The following NRXN1 variants were observed in gnomAD, a reference collection of about 807,000 sequenced individuals.
NRXN1 encodes the protein neurexin 1, also known as neurexin-1.
Under a neutral mutation model 150.9 loss-of-function variants are expected in NRXN1, and 39 were observed. That is an observed-to-expected ratio of 0.26 (90% CI 0.20 to 0.34). The LOEUF is 0.34. Among genes scored for constraint, NRXN1 ranks in the 10% least tolerant of loss-of-function variants. The pLI, the probability that NRXN1 is intolerant of heterozygous loss-of-function variation, is 1.00. For synonymous variants in NRXN1, 924 were observed against 757.0 expected (o/e 1.22, Z -3.62); for missense variants, 1,815 against 1,949.9 (o/e 0.93, Z 1.30).
intron 17 of NRXN1, among the ~76,000 whole-genome samples, chr2:50,457,234 T>C (rs753309711): frequency 6.6e-4 from 100 of 152,102 alleles, no homozygotes; most frequent in Non-Finnish European, 6.9e-4. Context: ...GGGAAAAGCA[T>C]AAGGTTTAAA....
rs538576163 is a variant in NRXN1, at chr2:50,673,787, G to A, written c.833-50172C>T. 1.5e-3 allele frequency among the ~76,000 whole-genome samples: 225 copies of A among 152,116 alleles called. 1 individual carries two copies. The highest frequency in any genetic ancestry group is 2.8e-3 in the Non-Finnish European group (187 of 67,960). ...TATCAGGGTCTATTTTACTTAGTAG[G>A]AAAACAATGACATGTAAGACATAGA... is the stretch of plus-strand genomic sequence containing the variant. On this transcript the variant is annotated intron_variant, in intron 5 of 22. Coordinates refer to ENST00000401669, the MANE Select transcript of NRXN1 (RefSeq NM_001330078.2).
chr2:50,899,643 T>C (rs539381803), intron 5 of NRXN1, among the ~76,000 whole-genome samples: 2 of 152,286 alleles, frequency 1.3e-5, no homozygotes, highest in Non-Finnish European at 2.9e-5. Context: ...TTTGTTTTTT[T>C]CTAATATTTT....
chr2:50,886,019 A>G (rs1680189101), intron 5 of NRXN1, among the ~76,000 whole-genome samples: 1 of 151,416 alleles, frequency 6.6e-6, no homozygotes, highest in African/African-American at 2.4e-5. Context: ...TTTGGTTTGA[A>G]TGAGCTTTTG....
chr2:50,773,034 T>C lies in NRXN1; in HGVS notation c.832+148835A>G, dbSNP rs1559240474. On this transcript the variant is annotated intron_variant, in intron 5 of 22. Transcript: ENST00000401669. The stretch of plus-strand genomic sequence containing the variant: ...GTGCTTGGTTCTTGCTAAAATGTTA[T>C]TAATGAAAGGAACTATTAGATCCCA... Among the ~76,000 whole-genome samples, 4 of 152,304 alleles carry C rather than the reference T, an allele frequency of 2.6e-5. No homozygotes were observed. In the South Asian group the frequency reaches 8.3e-4, roughly 32 times the overall value.
intron 17 of NRXN1, among the ~76,000 whole-genome samples, chr2:50,375,396 T>C (rs950032969): frequency 6.6e-6 from 1 of 150,504 alleles, no homozygotes; most frequent in African/African-American, 2.5e-5. Context: ...TTTTCACAAT[T>C]GTATAGATGA....
At chr2:50,906,583 T>C (rs943685274) in intron 5 of NRXN1, among the ~76,000 whole-genome samples, 1 of 152,150 alleles carries the variant, frequency 6.6e-6, no homozygotes, top group Non-Finnish European at 1.5e-5. Context: ...ATCTGTTCTC[T>C]TGCCAGAATA....
intron 19 of NRXN1, among the ~76,000 whole-genome samples, chr2:50,079,313 C>G (rs973766219): frequency 6.6e-6 from 1 of 152,042 alleles, no homozygotes; most frequent in African/African-American, 2.4e-5. Flanking sequence ...GTGTCCACTA[C>G]TATCTATCTA....
At position 50,838,532 on chromosome 2, in the gene NRXN1, T is replaced by C. The variant is rs552502871; in HGVS notation, c.832+83337A>G. Among the ~76,000 whole-genome samples, 29 of 152,134 alleles carry C rather than the reference T, an allele frequency of 1.9e-4. No individual in the cohort carries two copies. The South Asian group carries it at 5.8e-3, about 30-fold the overall frequency. On this transcript the variant is annotated intron_variant, in intron 5 of 22. Coordinates refer to ENST00000401669, the MANE Select transcript of NRXN1 (RefSeq NM_001330078.2). ...TTCAGAATGTGACCTTATATGGAAATAACGTCTCTACAAATGTTAAAATGA... is the reference window on the plus strand; with the variant it reads ...TTCAGAATGTGACCTTATATGGAAACAACGTCTCTACAAATGTTAAAATGA...
At chr2:51,009,581 A>G (rs964875076) in intron 2 of NRXN1, among the ~76,000 whole-genome samples, 10 of 151,958 alleles carry the variant, frequency 6.6e-5, no homozygotes, top group African/African-American at 7.2e-5. Flanking sequence ...CTACTAAGTA[A>G]TTATTGATAA....
At chr2:50,874,818 G>C (rs1678329077) in intron 5 of NRXN1, among the ~76,000 whole-genome samples, 1 of 151,774 alleles carries the variant, frequency 6.6e-6, no homozygotes, top group Non-Finnish European at 1.5e-5. Flanking sequence ...CCATTAAGTA[G>C]GCTGACAGTC....
At chr2:50,935,770 GA>G (rs372236029) in intron 2 of NRXN1, among the ~76,000 whole-genome samples, 10 of 141,096 alleles carry the variant, frequency 7.1e-5, no homozygotes, top group African/African-American at 1.0e-4. Context: ...AAAAGCAAAA[GA>G]AAAAAAAAAG....
In NRXN1 at chr2:50,543,927, G is replaced by C. The variant is rs1215320172; in HGVS notation, c.1760-5291C>G. On this transcript the variant is annotated intron_variant, in intron 9 of 22. Transcript: ENST00000401669. ...ACCCTTTTTCCTGGTGAGAAAATCC[G>C]ATGTTCCAGCTCTTCAACTAACTAG... Among the ~76,000 whole-genome samples the C allele has an allele frequency of 3.3e-5, 5 of 152,058 alleles. No homozygotes were observed. In the East Asian group the frequency reaches 7.7e-4, roughly 23 times the overall value.
intron 5 of NRXN1, among the ~76,000 whole-genome samples, chr2:50,815,715 A>G (rs1668833769): frequency 6.6e-6 from 1 of 152,156 alleles, no homozygotes; most frequent in African/African-American, 2.4e-5. Flanking sequence ...AAGAGAGTGA[A>G]TATCCATGAA....
At chr2:50,936,747 T>C (rs1031617846) in intron 2 of NRXN1, among the ~76,000 whole-genome samples, 2 of 152,076 alleles carry the variant, frequency 1.3e-5, no homozygotes, top group Non-Finnish European at 2.9e-5. Flanking sequence ...TGAAAACTAT[T>C]CTGGACTGAG....
intron 5 of NRXN1, among the ~76,000 whole-genome samples, chr2:50,827,444 G>A (rs1205567966): frequency 6.6e-6 from 1 of 151,972 alleles, no homozygotes; most frequent in African/African-American, 2.4e-5. Context: ...ATCCCAAATG[G>A]CATTACTCTT....
intron 18 of NRXN1, among the ~76,000 whole-genome samples, chr2:50,107,520 C>CATATATAT (rs150310372): frequency 5.1e-5 from 7 of 136,070 alleles, no homozygotes; most frequent in African/African-American, 1.4e-4. Flanking sequence ...TTCCAGACTA[C>CATATATAT]ATATATATAT....
chr2:50,742,361 C>G (rs1397968707), intron 5 of NRXN1, among the ~76,000 whole-genome samples: 1 of 151,652 alleles, frequency 6.6e-6, no homozygotes, highest in Non-Finnish European at 1.5e-5. Context: ...GTTTGCTTTA[C>G]AGAAACCCAA....
At position 49,976,230 on chromosome 2, in the gene NRXN1, A is replaced by G. The variant is rs1678966724; in HGVS notation, c.4129-32439T>C. On this transcript the variant is annotated intron_variant, in intron 21 of 22. Transcript: ENST00000401669. ...GTATTTTTAGTAGAGATGGGGTTAC[A>G]CCATGTTGGCCTGGTGGGTCTCAAA... Among the ~76,000 whole-genome samples, 7 of 150,654 alleles carry G rather than the reference A, an allele frequency of 4.6e-5. No homozygotes were observed. In the South Asian group the frequency reaches 1.5e-3, roughly 32 times the overall value.
intron 18 of NRXN1, among the ~76,000 whole-genome samples, chr2:50,112,457 A>T (rs1165824062): frequency 1.3e-5 from 2 of 152,354 alleles, no homozygotes; most frequent in East Asian, 3.9e-4. Context: ...CGTGTTACAC[A>T]AGTCTGCTTA....
Sources: allele counts gnomAD v4.1 joint callset (sites outside exome capture counted in the v4.1 genomes callset), GRCh38; gene constraint gnomAD v4.1.1; transcripts MANE v1.5; gene names NCBI Gene and HGNC (gene_info 2026-07-23, HGNC 2026-07-21).